The following CDKL5 variants were observed in gnomAD, a reference collection of about 807,000 sequenced individuals.
The protein encoded by CDKL5 is cyclin-dependent kinase-like 5.
Under a neutral mutation model 61.7 loss-of-function variants are expected in CDKL5, and 8 were observed. The observed-to-expected ratio is 0.13, with a 90% CI of 0.08 to 0.23. The LOEUF is 0.23. Among genes scored for constraint, CDKL5 ranks in the 10% least tolerant of loss-of-function variants. CDKL5 has a pLI of 1.00. For missense variants in CDKL5, 440 were observed against 734.5 expected (o/e 0.60, Z 4.63); for synonymous variants, 275 against 272.3 (o/e 1.01, Z -0.10).
In CDKL5 at chrX:18,635,086, A is replaced by G; in HGVS notation, c.*6329A>G. 2 of 747,466 alleles carry G rather than the reference A, an allele frequency of 2.7e-6. No homozygotes were observed. The highest frequency in any genetic ancestry group is 3.2e-6 in the Non-Finnish European group (2 of 634,099). The allele number at this position is 747,466 out of a possible 1,213,427, so 61.6% of individuals were successfully genotyped here. On this transcript the variant is annotated 3_prime_UTR_variant, in exon 18 of 18. Coordinates refer to ENST00000623535, the MANE Select transcript of CDKL5 (RefSeq NM_001323289.2). ...GTGTGATGTGATTGTTAATCTTTTTAATTTTTGAATCCAAACTGAATTTAA... is the reference window on the plus strand; with the variant it reads ...GTGTGATGTGATTGTTAATCTTTTTGATTTTTGAATCCAAACTGAATTTAA...
At chrX:18,515,444 G>A (rs1334310319) in intron 3 of CDKL5, among the ~76,000 whole-genome samples, 1 of 111,770 alleles carries the variant, frequency 8.9e-6, no homozygotes, top group Non-Finnish European at 1.9e-5. Context: ...CAACATTGGG[G>A]TACAGCCTAT....
chrX:18,522,335 CTTTTTTTTTTTTTTTT>C (rs369618121), intron 3 of CDKL5, among the ~76,000 whole-genome samples: 45 of 37,530 alleles, frequency 1.2e-3, no homozygotes, highest in Non-Finnish European at 1.9e-3. Context: ...CAGGCTGGAG[CTTTTTTTTTTTTTTTT>C]TTTTTTTTTT....
At chrX:18,521,105 G>A (rs1053710873) in intron 3 of CDKL5, among the ~76,000 whole-genome samples, 1 of 111,849 alleles carries the variant, frequency 8.9e-6, no homozygotes, top group Non-Finnish European at 1.9e-5. Flanking sequence ...TTGTGGTTTT[G>A]ATTTCCATTT....
exon 22 of CDKL5, chrX:18,653,578 G>C (rs1463663578): frequency 1.7e-6 from 2 of 1,195,335 alleles, no homozygotes; most frequent in Non-Finnish European, 2.3e-6. Context: ...CCAATGCCCT[G>C]AATCACCTCT....
chrX:18,625,883 G>C (rs1393631227), intron 17 of CDKL5, among the ~76,000 whole-genome samples: 1 of 111,561 alleles, frequency 9.0e-6, no homozygotes, highest in Non-Finnish European at 1.9e-5. Context: ...TGGAAATTTT[G>C]TAATGTATCT....
intron 14 of CDKL5, among the ~76,000 whole-genome samples, chrX:18,611,197 A>G (rs1926538938): frequency 9.0e-6 from 1 of 110,950 alleles, no homozygotes; most frequent in South Asian, 3.8e-4. Context: ...TTGGGAGGCC[A>G]AGGCAGGAGG....
chrX:18,515,478 T>C (rs769459297), intron 3 of CDKL5, among the ~76,000 whole-genome samples: 145 of 111,868 alleles, frequency 1.3e-3, no homozygotes, highest in Non-Finnish European at 1.4e-3. Flanking sequence ...ATAATAATCT[T>C]ACGTTAGAGA....
chrX:18,585,219 C>A (rs1925604416), intron 8 of CDKL5, among the ~76,000 whole-genome samples: 1 of 110,591 alleles, frequency 9.0e-6, no homozygotes, highest in Non-Finnish European at 1.9e-5. Context: ...CATGGTGAAA[C>A]CCCGTCTCTA....
rs754699773 is a variant in CDKL5, at chrX:18,625,128, G to C, written c.2377G>C (p.Val793Leu). Reference protein sequence around the residue: ...MKKKKKKSQTVPNSDSPDLLT... With the variant: ...MKKKKKKSQTLPNSDSPDLLT... Reference sequence around the variant, plus strand: ...AATGCTTGTCCATATTTTGCTCTAGGTACCCAATTCCGACAGCCCTGATCT... The same window carrying C: ...AATGCTTGTCCATATTTTGCTCTAGCTACCCAATTCCGACAGCCCTGATCT... Residue 793 changes from valine to leucine, a missense_variant and splice_region_variant, in exon 17 of 18, where the codon GTA becomes CTA. Around this residue, in one of 2 missense-constraint regions of CDKL5, gnomAD observed 363 missense variants for 516.3 expected, o/e 0.70. Coordinates refer to ENST00000623535, the MANE Select transcript of CDKL5 (RefSeq NM_001323289.2). The C allele has an allele frequency of 8.3e-7, 1 of 1,207,571 alleles. No homozygotes were observed. The highest frequency in any genetic ancestry group is 1.7e-5 in the African/African-American group (1 of 57,268).
At chrX:18,442,167 G>C (rs1404858789) in intron 1 of CDKL5, 1 of 111,461 alleles carries the variant, frequency 9.0e-6, no homozygotes. Context: ...CCCACCCCCA[G>C]GTTTGCATCA....
At chrX:18,582,569 T>A (rs905402833) in intron 7 of CDKL5, among the ~76,000 whole-genome samples, 13 of 111,549 alleles carry the variant, frequency 1.2e-4, no homozygotes, top group Non-Finnish European at 2.3e-4. Context: ...TATGTTAGGG[T>A]CATGGGTCAC....
chrX:18,632,051 A>G lies in CDKL5; in HGVS notation c.*3294A>G. The G allele has an allele frequency of 1.5e-6, 1 of 683,145 alleles. No individual in the cohort carries two copies. Among genetic ancestry groups the G allele is most frequent in the Non-Finnish European group, 1.7e-6 (1 of 574,420 alleles). The allele number at this position is 683,145 out of a possible 1,213,427, so 56.3% of individuals were successfully genotyped here. A position where few individuals can be genotyped will look rare whatever the true frequency, so the allele number is the denominator to read the frequency against. On this transcript the variant is annotated 3_prime_UTR_variant, in exon 18 of 18. Coordinates refer to ENST00000623535, the MANE Select transcript of CDKL5 (RefSeq NM_001323289.2). ...TGCCATGCACAGGACAGCCCCCCAAACAAACAGTGGTCCAGCCCCAAGCAC... is the reference window on the plus strand; with the variant it reads ...TGCCATGCACAGGACAGCCCCCCAAGCAAACAGTGGTCCAGCCCCAAGCAC...
At chrX:18,437,767 A>T (rs954047511) in intron 1 of CDKL5, among the ~76,000 whole-genome samples, 7 of 112,004 alleles carry the variant, frequency 6.2e-5, no homozygotes, top group African/African-American at 2.3e-4. Context: ...TAAAGGTGTT[A>T]TTTTTTATAT....
At position 18,636,631 on chromosome X, in the gene CDKL5, CCA is replaced by C. The variant is rs1479694280; in HGVS notation, c.*7875_*7876del. 3.6e-5 allele frequency: 4 copies of C among 110,559 alleles called. No individual in the cohort carries two copies. Among genetic ancestry groups the C allele is most frequent in the African/African-American group, 9.9e-5 (3 of 30,398 alleles). The allele number at this position is 110,559 out of a possible 1,213,427, so 9.1% of individuals were successfully genotyped here. ...GTAATTCAGATTTATTCAAGTAACT[CCA>C]AGGTTCAAATTTTCAAAAACAGTTT... On this transcript the variant is annotated 3_prime_UTR_variant, in exon 18 of 18. Coordinates refer to ENST00000623535, the MANE Select transcript of CDKL5 (RefSeq NM_001323289.2).
chrX:18,509,245 A>ACACACACACACCCC lies in CDKL5; in HGVS notation c.65-1574_65-1573insACACACACACCCCC, dbSNP rs796171313. Among the ~76,000 whole-genome samples the ACACACACACACCCC allele has an allele frequency of 2.1e-5, 2 of 95,350 alleles. 1 individual carries two copies. Among genetic ancestry groups the ACACACACACACCCC allele is most frequent in the Admixed American group, 2.5e-4 (2 of 7,997 alleles). The allele number at this position is 95,350 out of a possible 115,157, so 82.8% of individuals were successfully genotyped here. A position where few individuals can be genotyped will look rare whatever the true frequency, so the allele number is the denominator to read the frequency against. On this transcript the variant is annotated intron_variant, in intron 2 of 17. Coordinates refer to ENST00000623535, the MANE Select transcript of CDKL5 (RefSeq NM_001323289.2). The stretch of plus-strand genomic sequence containing the variant: ...CACACACACACACACACACACACAC[A>ACACACACACACCCC]CCCCTGTCAAGCAAACTCTGCATTC...
At chrX:18,566,818 T>C (rs191655643) in intron 4 of CDKL5, among the ~76,000 whole-genome samples, 95 of 111,521 alleles carry the variant, frequency 8.5e-4, no homozygotes, top group African/African-American at 3.1e-3. Flanking sequence ...TGGAAGACAT[T>C]TGATCTGCCC....
At chrX:18,576,834 A>T (rs749585875) in intron 5 of CDKL5, among the ~76,000 whole-genome samples, 15 of 104,811 alleles carry the variant, frequency 1.4e-4, no homozygotes, top group African/African-American at 4.5e-4. Flanking sequence ...AAGTTCTATT[A>T]AAAAAAAAGG....
At position 18,507,997 on chromosome X, in the gene CDKL5, A is replaced by G. The variant is rs533811555; in HGVS notation, c.64+837A>G. ...TGATATACCATTGATTTGATGAAAT[A>G]TGATGTCATTTTGTATAAACTGACT... On this transcript the variant is annotated intron_variant, in intron 2 of 17. Coordinates refer to ENST00000623535, the MANE Select transcript of CDKL5 (RefSeq NM_001323289.2). 1.9e-4 allele frequency among the ~76,000 whole-genome samples: 21 copies of G among 111,542 alleles called. No individual in the cohort carries two copies. The South Asian group carries it at 7.9e-3, about 42-fold the overall frequency.
intron 3 of CDKL5, among the ~76,000 whole-genome samples, chrX:18,522,236 C>T (rs1923269802): frequency 9.6e-6 from 1 of 103,636 alleles, no homozygotes; most frequent in South Asian, 4.3e-4. Context: ...GTGTGCTAGT[C>T]TTTTACCTCA....
Sources: allele counts gnomAD v4.1 joint callset (sites outside exome capture counted in the v4.1 genomes callset), GRCh38; gene constraint gnomAD v4.1.1; regional missense constraint gnomAD v4.1.1; transcripts MANE v1.5; gene names NCBI Gene and HGNC (gene_info 2026-07-23, HGNC 2026-07-21).